The following PACRG variants were observed in gnomAD, a reference collection of about 807,000 sequenced individuals.
The protein encoded by PACRG is parkin coregulated, also known as parkin coregulated gene protein.
In PACRG, 29 loss-of-function variants were observed where a neutral mutation model predicts 29.7. The observed-to-expected ratio is 0.98, with a 90% CI of 0.73 to 1.33. The LOEUF is 1.33. Ranked by LOEUF, PACRG falls within the 40% of genes most tolerant of loss-of-function variation. The pLI is 0.00. For missense variants in PACRG, 279 were observed against 316.2 expected, an observed-to-expected ratio of 0.88 and a Z score of 0.89; for synonymous variants, 116 against 118.7, an observed-to-expected ratio of 0.98 and a Z score of 0.15.
intron 2 of PACRG, among the ~76,000 whole-genome samples, chr6:162,928,833 T>A (rs541853624): frequency 6.6e-6 from 1 of 152,158 alleles, no homozygotes; most frequent in African/African-American, 2.4e-5. Context: ...TCCACTTTTT[T>A]TTTTAGCTCC....
Position 162,944,090 on chromosome 6 carries a change from C to T in PACRG, c.292-118060C>T, listed in dbSNP as rs534225455. Reference sequence around the variant, plus strand: ...GGCTGAAGGATGGGTATTCTTGGCCCGTCACTGCCACCACTGGGGCCTGTG... The same window carrying T: ...GGCTGAAGGATGGGTATTCTTGGCCTGTCACTGCCACCACTGGGGCCTGTG... On this transcript the variant is annotated intron_variant, in intron 2 of 4. Transcript: ENST00000366888. Among the ~76,000 whole-genome samples, 99 of 152,196 alleles carry T rather than the reference C, an allele frequency of 6.5e-4. 1 individual carries two copies. In the South Asian group the frequency reaches 0.013, roughly 20 times the overall value.
chr6:163,160,729 C>G (rs1358746820), intron 4 of PACRG, among the ~76,000 whole-genome samples: 1 of 152,138 alleles, frequency 6.6e-6, no homozygotes, highest in African/African-American at 2.4e-5. Flanking sequence ...TTTCCAACCC[C>G]AATTCAGAAT....
intron 4 of PACRG, among the ~76,000 whole-genome samples, chr6:163,206,052 A>G (rs1585331419): frequency 6.6e-6 from 1 of 152,330 alleles, no homozygotes; most frequent in South Asian, 2.1e-4. Context: ...CTAAAAAGTA[A>G]AAAAATAACA....
chr6:162,993,246 G>A (rs1803632342), intron 2 of PACRG, among the ~76,000 whole-genome samples: 1 of 150,844 alleles, frequency 6.6e-6, no homozygotes, highest in Non-Finnish European at 1.5e-5. Flanking sequence ...TTCTGTAGAT[G>A]TCTATTAGGT....
intron 2 of PACRG, among the ~76,000 whole-genome samples, chr6:162,871,500 A>G (rs767689737): frequency 2.6e-5 from 4 of 152,246 alleles, no homozygotes; most frequent in Non-Finnish European, 5.9e-5. Context: ...AGAACTTGGA[A>G]ATCATCAGTA....
At chr6:163,283,333 G>A (rs1784281761) in intron 4 of PACRG, among the ~76,000 whole-genome samples, 1 of 152,142 alleles carries the variant, frequency 6.6e-6, no homozygotes, top group African/African-American at 2.4e-5. Flanking sequence ...TTGCAATGAA[G>A]GAATCAGTCC....
chr6:162,866,615 GA>G (rs71008117), intron 2 of PACRG, among the ~76,000 whole-genome samples: 1,737 of 145,048 alleles, frequency 0.012, 21 homozygotes, highest in African/African-American at 0.026. Flanking sequence ...ATACACAGAA[GA>G]AAAAAAAAAA....
chr6:163,098,207 GAACTGCAGTATGGA>G (rs1814774609), intron 4 of PACRG, among the ~76,000 whole-genome samples: 1 of 152,098 alleles, frequency 6.6e-6, no homozygotes, highest in South Asian at 2.1e-4. Flanking sequence ...TCCTCAAAAG[GAACTGCAGTATGGA>G]AACAGCAGCT....
At chr6:163,300,244 C>T (rs566089420) in intron 4 of PACRG, among the ~76,000 whole-genome samples, 12 of 152,310 alleles carry the variant, frequency 7.9e-5, no homozygotes, top group African/African-American at 2.2e-4. Context: ...GTTTACTCGG[C>T]GCTCTCAGTC....
At chr6:162,895,555 CCTT>C (rs1439141563) in intron 2 of PACRG, among the ~76,000 whole-genome samples, 2 of 152,162 alleles carry the variant, frequency 1.3e-5, no homozygotes, top group Non-Finnish European at 2.9e-5. Context: ...TGAAAGCATA[CCTT>C]CTTCACCCAG....
chr6:163,051,353 A>G (rs1809991006), intron 2 of PACRG: 1 of 151,630 alleles, frequency 6.6e-6, no homozygotes, highest in Non-Finnish European at 1.5e-5. Flanking sequence ...TTGCGAGCTC[A>G]TCTATATTAG....
At chr6:163,205,992 A>C (rs568202580) in intron 4 of PACRG, among the ~76,000 whole-genome samples, 29 of 152,324 alleles carry the variant, frequency 1.9e-4, no homozygotes, top group African/African-American at 6.3e-4. Flanking sequence ...CAGAAATGCA[A>C]ATCAAATCCA....
chr6:163,245,874 C>T (rs747926918), intron 4 of PACRG, among the ~76,000 whole-genome samples: 5 of 152,118 alleles, frequency 3.3e-5, no homozygotes, highest in Admixed American at 6.5e-5. Context: ...TACCAAGAAC[C>T]GTAAAGTTAT....
At chr6:163,244,475 A>G (rs1234931462) in intron 4 of PACRG, among the ~76,000 whole-genome samples, 2 of 152,150 alleles carry the variant, frequency 1.3e-5, no homozygotes, top group East Asian at 1.9e-4. Context: ...CCCCTCTGTC[A>G]TGGGAATAAG....
intron 4 of PACRG, among the ~76,000 whole-genome samples, chr6:163,253,210 G>A (rs1782976723): frequency 6.7e-6 from 1 of 148,826 alleles, no homozygotes; most frequent in Non-Finnish European, 1.5e-5. Flanking sequence ...TGAGGCAGGA[G>A]AATCATTTGA....
Position 163,280,663 on chromosome 6 carries a change from G to A in PACRG, c.614-34164G>A, listed in dbSNP as rs565809528. 1.2e-4 allele frequency among the ~76,000 whole-genome samples: 18 copies of A among 152,260 alleles called. 1 individual carries two copies. In the South Asian group the frequency reaches 3.7e-3, roughly 32 times the overall value. ...TCGGCCAATTTAGTATCTGGGGAGGGCTCTTTTCCTGGCTTGCAGGTGACC... is the reference window on the plus strand; with the variant it reads ...TCGGCCAATTTAGTATCTGGGGAGGACTCTTTTCCTGGCTTGCAGGTGACC... On this transcript the variant is annotated intron_variant, in intron 4 of 4. Coordinates refer to ENST00000366888, the MANE Select transcript of PACRG (RefSeq NM_001080379.2).
intron 2 of PACRG, among the ~76,000 whole-genome samples, chr6:162,954,718 C>T (rs1756147172): frequency 6.6e-6 from 1 of 152,064 alleles, no homozygotes; most frequent in South Asian, 2.1e-4. Flanking sequence ...GAATGAAAAC[C>T]TCATGTCAAG....
intron 4 of PACRG, among the ~76,000 whole-genome samples, chr6:163,180,626 A>G (rs1428920872): frequency 1.3e-5 from 2 of 152,220 alleles, no homozygotes; most frequent in East Asian, 3.9e-4. Context: ...CTCTGTCTCA[A>G]AAAAAATAAA....
intron 2 of PACRG, among the ~76,000 whole-genome samples, chr6:162,950,203 A>T (rs1161795315): frequency 1.3e-5 from 2 of 152,174 alleles, no homozygotes; most frequent in Admixed American, 6.5e-5. Flanking sequence ...TAATTATTAA[A>T]AGTAGTCGAA....
Sources: gnomAD v4.1 joint callset for allele counts (sites outside exome capture counted in the v4.1 genomes callset) on GRCh38, gnomAD v4.1.1 for gene constraint, MANE v1.5 for transcripts, NCBI Gene and HGNC (gene_info 2026-07-23, HGNC 2026-07-21) for gene names.